Variants in NTF3 observed in about 807,000 individuals in gnomAD.
NTF3 encodes the protein neurotrophin-3.
Under a neutral mutation model 26.3 loss-of-function variants are expected in NTF3, and 8 were observed. The observed-to-expected ratio is 0.30, with a 90% CI of 0.18 to 0.55. The LOEUF (loss-of-function observed/expected upper bound fraction) is 0.55. Ranked by LOEUF, NTF3 falls within the 20% of genes least tolerant of loss-of-function variation. NTF3 has a pLI of 0.93. For synonymous variants in NTF3, 154 were observed against 145.5 expected (o/e 1.06, Z -0.42); for missense variants, 276 against 352.9 (o/e 0.78, Z 1.75).
In NTF3 at chr12:5,454,340, T is replaced by G. The variant is rs370187091; in HGVS notation, c.18+21998T>G. Among the ~76,000 whole-genome samples, 12 of 152,346 alleles carry G rather than the reference T, an allele frequency of 7.9e-5. No homozygotes were observed. In the South Asian group the frequency reaches 2.3e-3, roughly 29 times the overall value. On this transcript the variant is annotated intron_variant, in intron 1 of 1. Transcript: ENST00000423158. ...TCAGATGTCCCTTTTTATAAGGATG[T>G]CAACCCAATTGGATTAAGTTCTACC...
chr12:5,493,037 G>C (rs892481935), intron 1 of NTF3, among the ~76,000 whole-genome samples: 1 of 152,192 alleles, frequency 6.6e-6, no homozygotes, highest in Non-Finnish European at 1.5e-5. Flanking sequence ...AGGTGGCAGC[G>C]ATGGTGATTA....
At chr12:5,470,365 C>T (rs1197405945) in intron 1 of NTF3, among the ~76,000 whole-genome samples, 1 of 152,218 alleles carries the variant, frequency 6.6e-6, no homozygotes, top group Non-Finnish European at 1.5e-5. Flanking sequence ...GGAGTAACTG[C>T]CACAAGCTCC....
intron 1 of NTF3, among the ~76,000 whole-genome samples, chr12:5,475,739 G>A (rs1234194233): frequency 1.3e-5 from 2 of 151,998 alleles, no homozygotes; most frequent in Admixed American, 6.6e-5. Context: ...GAAGGCTGAG[G>A]TGGGAGGCAT....
At chr12:5,442,358 T>C (rs1218011803) in intron 1 of NTF3, among the ~76,000 whole-genome samples, 1 of 152,132 alleles carries the variant, frequency 6.6e-6, no homozygotes, top group African/African-American at 2.4e-5. Context: ...GAGACCATTG[T>C]GATGGGAGCC....
At chr12:5,455,489 G>C (rs1940431830) in intron 1 of NTF3, among the ~76,000 whole-genome samples, 1 of 148,988 alleles carries the variant, frequency 6.7e-6, no homozygotes, top group African/African-American at 2.5e-5. Flanking sequence ...TGTCCTAACA[G>C]AGCCCACAGC....
chr12:5,438,834 A>G (rs577126378), intron 1 of NTF3, among the ~76,000 whole-genome samples: 14 of 152,338 alleles, frequency 9.2e-5, no homozygotes, highest in African/African-American at 2.9e-4. Context: ...TTGAATTAGA[A>G]GATCTCCCAG....
intron 1 of NTF3, among the ~76,000 whole-genome samples, chr12:5,436,708 C>T (rs1031795220): frequency 7.9e-5 from 12 of 152,330 alleles, no homozygotes; most frequent in East Asian, 3.9e-4. Flanking sequence ...AATCAGTAAT[C>T]ATGATGCCCA....
chr12:5,452,096 C>CTTTTTTTTTTTTT, intron 1 of NTF3, among the ~76,000 whole-genome samples: 1 of 127,016 alleles, frequency 7.9e-6, no homozygotes, highest in Non-Finnish European at 1.7e-5. Flanking sequence ...TTTTTCTTTT[C>CTTTTTTTTTTTTT]TTTTTTTTTT....
chr12:5,445,546 G>A (rs1358626910), intron 1 of NTF3, among the ~76,000 whole-genome samples: 1 of 152,190 alleles, frequency 6.6e-6, no homozygotes, highest in African/African-American at 2.4e-5. Flanking sequence ...GGGAGCCAAA[G>A]AGGACCTCTA....
intron 1 of NTF3, among the ~76,000 whole-genome samples, chr12:5,492,433 A>G (rs1444416429): frequency 6.6e-6 from 1 of 152,200 alleles, no homozygotes; most frequent in Non-Finnish European, 1.5e-5. Context: ...AGAGAATGTA[A>G]TCCTAGTTGT....
intron 1 of NTF3, among the ~76,000 whole-genome samples, chr12:5,473,704 C>G (rs1940692179): frequency 6.6e-6 from 1 of 152,228 alleles, no homozygotes; most frequent in African/African-American, 2.4e-5. Context: ...GTGCAGCTAT[C>G]CTTCTCCATG....
intron 1 of NTF3, among the ~76,000 whole-genome samples, chr12:5,476,721 G>C (rs1940729445): frequency 1.3e-5 from 2 of 152,252 alleles, no homozygotes; most frequent in Admixed American, 6.5e-5. Context: ...CAACAAGGGG[G>C]TGTCATCCGG....
chr12:5,481,558 C>T (rs55742614), intron 1 of NTF3, among the ~76,000 whole-genome samples: 2 of 134,350 alleles, frequency 1.5e-5, no homozygotes, highest in African/African-American at 2.8e-5. Flanking sequence ...TATATGCACA[C>T]ACACACATAC....
intron 1 of NTF3, among the ~76,000 whole-genome samples, chr12:5,469,040 G>C (rs1444266550): frequency 6.6e-6 from 1 of 152,054 alleles, no homozygotes; most frequent in African/African-American, 2.4e-5. Context: ...AGGATCGCTT[G>C]AGCCTAGGGG....
intron 1 of NTF3, among the ~76,000 whole-genome samples, chr12:5,445,329 TGTGTGTG>T (rs1940292211): frequency 1.3e-5 from 2 of 151,640 alleles, no homozygotes; most frequent in Non-Finnish European, 2.9e-5. Flanking sequence ...TGTGTGTGTG[TGTGTGTG>T]TTTAAAGTTT....
intron 1 of NTF3, among the ~76,000 whole-genome samples, chr12:5,483,383 G>A (rs1247790838): frequency 6.6e-6 from 1 of 152,146 alleles, no homozygotes; most frequent in Non-Finnish European, 1.5e-5. Flanking sequence ...GTTCTTCAGG[G>A]TTCCAGCCCC....
intron 1 of NTF3, among the ~76,000 whole-genome samples, chr12:5,475,841 A>G (rs1203618053): frequency 4.8e-5 from 7 of 145,384 alleles, no homozygotes; most frequent in African/African-American, 1.8e-4. Context: ...GCCTCAAAAA[A>G]GAAAAAAGAA....
At chr12:5,482,229 G>T (rs998879007) in intron 1 of NTF3, among the ~76,000 whole-genome samples, 1 of 152,184 alleles carries the variant, frequency 6.6e-6, no homozygotes, top group Non-Finnish European at 1.5e-5. Context: ...CTGGCCTGTC[G>T]CTTGTAGCCC....
At chr12:5,482,583 G>A (rs751952191) in intron 1 of NTF3, among the ~76,000 whole-genome samples, 6 of 152,184 alleles carry the variant, frequency 3.9e-5, no homozygotes, top group Middle Eastern at 3.4e-3. Context: ...GCTTCAGAGG[G>A]GCCTTCTCTG....
Sources: allele counts gnomAD v4.1 joint callset (sites outside exome capture counted in the v4.1 genomes callset), GRCh38; gene constraint gnomAD v4.1.1; transcripts MANE v1.5; gene names NCBI Gene and HGNC (gene_info 2026-07-23, HGNC 2026-07-21).